The following FUT9 variants were observed in gnomAD, a reference collection of about 807,000 sequenced individuals.
The protein encoded by FUT9 is fucosyltransferase 9, also known as 4-galactosyl-N-acetylglucosaminide 3-alpha-L-fucosyltransferase 9.
Under a neutral mutation model 29.7 loss-of-function variants are expected in FUT9, and 15 were observed. The ratio of observed to expected loss-of-function variants is 0.51; its 90% CI spans 0.34 to 0.78. The LOEUF is 0.78. Ranked by LOEUF, FUT9 falls within the 30% of genes least tolerant of loss-of-function variation. The pLI, the probability that FUT9 is intolerant of heterozygous loss-of-function variation, is 0.01. For synonymous variants in FUT9, 169 were observed against 153.7 expected, an observed-to-expected ratio of 1.10 and a Z score of -0.74; for missense variants, 319 against 425.4, an observed-to-expected ratio of 0.75 and a Z score of 2.20.
intron 1 of FUT9, among the ~76,000 whole-genome samples, chr6:96,019,313 T>C (rs1480694597): frequency 1.3e-5 from 2 of 152,018 alleles, no homozygotes; most frequent in East Asian, 3.9e-4. Context: ...ACATACAATA[T>C]TTTTATACTC....
chr6:96,179,721 T>C (rs1017392743), intron 2 of FUT9, among the ~76,000 whole-genome samples: 3 of 150,210 alleles, frequency 2.0e-5, no homozygotes, highest in Non-Finnish European at 4.4e-5. Context: ...AAAATGATAA[T>C]GAGTGAAAAT....
At chr6:96,180,052 A>G (rs532839672) in intron 2 of FUT9, among the ~76,000 whole-genome samples, 153 of 152,194 alleles carry the variant, frequency 1.0e-3, no homozygotes, top group African/African-American at 3.5e-3. Flanking sequence ...CTTCATGGAA[A>G]ATCTTCTGCA....
In FUT9 at chr6:96,069,619, ATTT is replaced by A. The variant is rs746359558; in HGVS notation, c.-97-44415_-97-44413del. Among the ~76,000 whole-genome samples, 56 of 103,694 alleles carry A rather than the reference ATTT, an allele frequency of 5.4e-4. No homozygotes were observed. The South Asian group carries it at 0.015, about 28-fold the overall frequency. 68.0% of individuals were successfully genotyped at this position (103,694 alleles called of 152,430 possible). On this transcript the variant is annotated intron_variant, in intron 1 of 2. Transcript: ENST00000302103. ...AAACAGAACAAACTATTATTTTTTT[ATTT>A]TTTTATTTTTTATTTTATTTTTTTG...
intron 2 of FUT9, among the ~76,000 whole-genome samples, chr6:96,168,844 G>A (rs1238298130): frequency 2.0e-5 from 3 of 152,134 alleles, no homozygotes; most frequent in African/African-American, 7.2e-5. Flanking sequence ...GATAACAGAA[G>A]GGGGCTCAAT....
At chr6:96,140,750 ATCCTTATGAT>A (rs533579332) in intron 2 of FUT9, among the ~76,000 whole-genome samples, 43 of 152,196 alleles carry the variant, frequency 2.8e-4, no homozygotes, top group Non-Finnish European at 5.4e-4. Flanking sequence ...AGGAAAACCC[ATCCTTATGAT>A]TCAATTACCT....
intron 1 of FUT9, among the ~76,000 whole-genome samples, chr6:96,074,783 TG>T (rs1284820844): frequency 2.0e-5 from 3 of 152,098 alleles, no homozygotes; most frequent in African/African-American, 2.4e-5. Context: ...ATTTAATTAT[TG>T]TTTTTTTTAA....
chr6:96,183,666 T>C (rs147667935), intron 2 of FUT9, among the ~76,000 whole-genome samples: 1 of 152,204 alleles, frequency 6.6e-6, no homozygotes, highest in East Asian at 1.9e-4. Context: ...ATGCTAGATT[T>C]TGTGGAATGC....
At chr6:96,196,605 G>A (rs529406782) in intron 2 of FUT9, among the ~76,000 whole-genome samples, 75 of 152,142 alleles carry the variant, frequency 4.9e-4, no homozygotes, top group African/African-American at 1.8e-3. Context: ...CCAGCTACTT[G>A]GGAGGCTGAG....
chr6:96,166,044 C>A (rs372481077), intron 2 of FUT9, among the ~76,000 whole-genome samples: 20 of 151,752 alleles, frequency 1.3e-4, no homozygotes, highest in East Asian at 7.7e-4. Flanking sequence ...GGTGATTCAG[C>A]CCCAGGAATT....
At chr6:96,104,481 G>C (rs1045808108) in intron 1 of FUT9, among the ~76,000 whole-genome samples, 3 of 152,140 alleles carry the variant, frequency 2.0e-5, no homozygotes, top group African/African-American at 7.2e-5. Flanking sequence ...GAAGGACATT[G>C]ATGAAAAATG....
In FUT9 at chr6:96,204,613, A is replaced by C. The variant is rs907550244; in HGVS notation, c.*378A>C. 5.9e-6 allele frequency: 1 copy of C among 169,288 alleles called. No individual in the cohort carries two copies. The highest frequency in any genetic ancestry group is 2.4e-5 in the African/African-American group (1 of 41,530). The allele number at this position is 169,288 out of a possible 1,614,324, so 10.5% of individuals were successfully genotyped here. ...AGATGCACATCTTAAAGTATGAAAA[A>C]TTTTCACTAAGTATTACAATGTCTA... On this transcript the variant is annotated 3_prime_UTR_variant, in exon 3 of 3. Coordinates refer to ENST00000302103, the MANE Select transcript of FUT9 (RefSeq NM_006581.4).
intron 1 of FUT9, among the ~76,000 whole-genome samples, chr6:96,047,735 T>A (rs935203974): frequency 6.6e-6 from 1 of 152,018 alleles, no homozygotes; most frequent in Non-Finnish European, 1.5e-5. Context: ...CAAACATAGG[T>A]AATATGTGAG....
At chr6:96,078,853 T>G (rs1409977526) in intron 1 of FUT9, among the ~76,000 whole-genome samples, 1 of 152,208 alleles carries the variant, frequency 6.6e-6, no homozygotes, top group Non-Finnish European at 1.5e-5. Context: ...TTACCGTGAT[T>G]AATCAGTGAG....
chr6:96,144,163 T>A (rs1043729044), intron 2 of FUT9, among the ~76,000 whole-genome samples: 2 of 152,262 alleles, frequency 1.3e-5, no homozygotes, highest in African/African-American at 2.4e-5. Context: ...TTGTTTGTTA[T>A]ATCATCTGTG....
chr6:96,037,702 A>T (rs1461717590), intron 1 of FUT9, among the ~76,000 whole-genome samples: 1 of 152,120 alleles, frequency 6.6e-6, no homozygotes, highest in African/African-American at 2.4e-5. Context: ...TTGAATGTTA[A>T]AAAAGAAAAA....
Position 96,159,760 on chromosome 6 carries a change from CTATAATTTTATATATGTCTCA to C in FUT9, c.-8-43384_-8-43364del, listed in dbSNP as rs1431742976. ...TAAAAATGATTGAATGAATCAAGCA[CTATAATTTTATATATGTCTCA>C]TATCAACAGGATTCTAAACACGTTG... On this transcript the variant is annotated intron_variant, in intron 2 of 2. Coordinates refer to ENST00000302103, the MANE Select transcript of FUT9 (RefSeq NM_006581.4). 2.6e-5 allele frequency among the ~76,000 whole-genome samples: 4 copies of C among 152,064 alleles called. No homozygotes were observed. The East Asian group carries it at 5.8e-4, about 22-fold the overall frequency.
intron 1 of FUT9, among the ~76,000 whole-genome samples, chr6:96,077,302 T>C (rs1771155243): frequency 6.6e-6 from 1 of 152,174 alleles, no homozygotes; most frequent in Non-Finnish European, 1.5e-5. Flanking sequence ...TCAGTTTATA[T>C]ATTATTAGGA....
At chr6:96,132,184 GT>G (rs34283208) in intron 2 of FUT9, among the ~76,000 whole-genome samples, 5 of 151,556 alleles carry the variant, frequency 3.3e-5, no homozygotes, top group African/African-American at 1.2e-4. Context: ...GATATTATTT[GT>G]TTTTTTAATA....
chr6:96,035,849 TTA>T (rs1301749551), intron 1 of FUT9, among the ~76,000 whole-genome samples: 2 of 121,628 alleles, frequency 1.6e-5, no homozygotes, highest in African/African-American at 2.9e-5. Flanking sequence ...ATATAATATA[TTA>T]TGTTTATTAT....
Sources: gnomAD v4.1 joint callset for allele counts (sites outside exome capture counted in the v4.1 genomes callset) on GRCh38, gnomAD v4.1.1 for gene constraint, MANE v1.5 for transcripts, NCBI Gene and HGNC (gene_info 2026-07-23, HGNC 2026-07-21) for gene names.